The following KIRREL1 variants were observed in gnomAD, a reference collection of about 807,000 sequenced individuals.
The protein encoded by KIRREL1 is kirre like nephrin family adhesion molecule 1.
KIRREL1 carries 25 observed loss-of-function variants against 83.3 expected under a neutral mutation model. That is an observed-to-expected ratio of 0.30 (90% CI 0.22 to 0.42). The LOEUF (loss-of-function observed/expected upper bound fraction) is 0.42, where lower values mean the gene tolerates loss of function less well. Among genes scored for constraint, KIRREL1 ranks in the 10% least tolerant of loss-of-function variants. The probability of loss-of-function intolerance (pLI) is 1.00; values close to 1 mark genes in which losing one functional copy is unlikely to be tolerated. For missense variants in KIRREL1, 812 were observed against 1,032.3 expected, an observed-to-expected ratio of 0.79 and a Z score of 2.92; for synonymous variants, 388 against 410.4, an observed-to-expected ratio of 0.95 and a Z score of 0.66.
intron 10 of KIRREL1, among the ~76,000 whole-genome samples, chr1:158,090,395 C>T (rs1347839596): frequency 1.3e-5 from 2 of 152,172 alleles, no homozygotes; most frequent in Non-Finnish European, 2.9e-5. Context: ...CTCCCCCACA[C>T]CATGAGCCAT....
At chr1:158,057,818 C>T (rs1055931442) in intron 1 of KIRREL1, among the ~76,000 whole-genome samples, 1 of 152,092 alleles carries the variant, frequency 6.6e-6, no homozygotes, top group South Asian at 2.1e-4. Flanking sequence ...CTAGCAGTCC[C>T]GGTTCTGCCA....
chr1:158,081,085 C>T lies in KIRREL1; in HGVS notation c.352+2945C>T, dbSNP rs554781091. On this transcript the variant is annotated intron_variant, in intron 3 of 14. Coordinates refer to ENST00000359209, the MANE Select transcript of KIRREL1 (RefSeq NM_018240.7). ...CACAAAATGGCCTCTGTCATTCTTC[C>T]TTAGGGTAGGACTTTGAAAAGAAGC... Among the ~76,000 whole-genome samples, 20 of 142,192 alleles carry T rather than the reference C, an allele frequency of 1.4e-4. 3 individuals are homozygous for T. The highest frequency in any genetic ancestry group is 3.2e-4 in the Non-Finnish European group (20 of 63,310). 93.3% of individuals were successfully genotyped at this position (142,192 alleles called of 152,430 possible). A position where few individuals can be genotyped will look rare whatever the true frequency, so the allele number is the denominator to read the frequency against.
At chr1:158,025,182 A>G (rs1460882290) in intron 1 of KIRREL1, among the ~76,000 whole-genome samples, 1 of 152,184 alleles carries the variant, frequency 6.6e-6, no homozygotes, top group Non-Finnish European at 1.5e-5. Flanking sequence ...GTCCTCCTCA[A>G]GTTCCCCCCA....
At chr1:158,010,520 G>C (rs1023456075) in intron 1 of KIRREL1, among the ~76,000 whole-genome samples, 1 of 152,008 alleles carries the variant, frequency 6.6e-6, no homozygotes, top group African/African-American at 2.4e-5. Context: ...CGGTGTGGGT[G>C]CTTGTGTATG....
intron 1 of KIRREL1, among the ~76,000 whole-genome samples, chr1:158,016,674 C>G (rs1232266479): frequency 6.6e-6 from 1 of 152,286 alleles, no homozygotes; most frequent in Middle Eastern, 3.4e-3. Flanking sequence ...GACTGACAAC[C>G]GAAACCTTCT....
At chr1:158,069,302 TTGTGTGTGTG>T (rs57076623) in intron 1 of KIRREL1, among the ~76,000 whole-genome samples, 176 of 143,350 alleles carry the variant, frequency 1.2e-3, no homozygotes, top group South Asian at 7.5e-3. Context: ...TATGACGTAC[TTGTGTGTGTG>T]TGTGTGTGTG....
At position 158,100,140 on chromosome 1, in the gene KIRREL1, C is replaced by T. The variant is rs1248406815; in HGVS notation, c.*5020C>T. The T allele has an allele frequency of 6.6e-6, 1 of 151,344 alleles. No individual in the cohort carries two copies. Among genetic ancestry groups the T allele is most frequent in the East Asian group, 1.9e-4 (1 of 5,192 alleles). 9.4% of individuals were successfully genotyped at this position (151,344 alleles called of 1,614,324 possible). On this transcript the variant is annotated 3_prime_UTR_variant, in exon 15 of 15. Coordinates refer to ENST00000359209, the MANE Select transcript of KIRREL1 (RefSeq NM_018240.7). Reference sequence around the variant, plus strand: ...TATCTGTGTGTCCCTCACACCTTTTCCTATTCTACTTTTTTTTCCTTTTTT... The same window carrying T: ...TATCTGTGTGTCCCTCACACCTTTTTCTATTCTACTTTTTTTTCCTTTTTT...
intron 1 of KIRREL1, among the ~76,000 whole-genome samples, chr1:158,054,805 A>G (rs909633275): frequency 6.6e-6 from 1 of 152,112 alleles, no homozygotes; most frequent in Non-Finnish European, 1.5e-5. Context: ...TTCAACAAAT[A>G]TTTATTTTAT....
chr1:158,052,508 G>A (rs554875719), intron 1 of KIRREL1, among the ~76,000 whole-genome samples: 2 of 152,200 alleles, frequency 1.3e-5, no homozygotes, highest in South Asian at 2.1e-4. Flanking sequence ...TACAGGGCGC[G>A]GTGGCTCACG....
intron 1 of KIRREL1, among the ~76,000 whole-genome samples, chr1:158,007,382 G>A (rs569911260): frequency 1.3e-5 from 2 of 152,202 alleles, no homozygotes; most frequent in East Asian, 3.9e-4. Flanking sequence ...GAGAAGTGAA[G>A]ACGATTCTTA....
chr1:158,000,650 C>T (rs1181168307), intron 1 of KIRREL1, among the ~76,000 whole-genome samples: 2 of 152,216 alleles, frequency 1.3e-5, no homozygotes, highest in East Asian at 3.9e-4. Context: ...CACTTACTCT[C>T]CCTCTATCAG....
chr1:158,087,159 C>A (rs1248651841), intron 5 of KIRREL1, among the ~76,000 whole-genome samples: 1 of 152,146 alleles, frequency 6.6e-6, no homozygotes, highest in Admixed American at 6.5e-5. Context: ...CAGATGTATT[C>A]ATATGTGTGA....
At chr1:158,078,523 C>A (rs1488249525) in intron 3 of KIRREL1, among the ~76,000 whole-genome samples, 1 of 152,138 alleles carries the variant, frequency 6.6e-6, no homozygotes, top group Non-Finnish European at 1.5e-5. Flanking sequence ...GGGGCGTCTC[C>A]CTTCCACTTT....
intron 1 of KIRREL1, among the ~76,000 whole-genome samples, chr1:158,034,280 A>AG (rs1553238652): frequency 2.3e-5 from 3 of 131,484 alleles, no homozygotes; most frequent in East Asian, 2.5e-4. Context: ...AAAAAAAAAA[A>AG]AAAAAAGAAA....
At position 158,089,741 on chromosome 1, in the gene KIRREL1, G is replaced by T; in HGVS notation, c.1195G>T (p.Ala399Ser). The T allele has an allele frequency of 6.2e-7, 1 of 1,614,176 alleles. No homozygotes were observed. The highest frequency in any genetic ancestry group is 1.3e-5 in the African/African-American group (1 of 75,038). Residue 399 changes from alanine (A) to serine (S), a missense_variant, in exon 10 of 15, where the codon GCA (alanine) becomes TCA (serine). This residue lies in a region of KIRREL1 where 472 missense variants were observed against 626.8 expected (regional missense o/e 0.75). Transcript: ENST00000359209. ...VNGPPIISSE[A>S]VQYAVRGDGG... ...AGGGCCCCCCATCATCTCCAGTGAG[G>T]CAGTGCAGTATGCTGTGAGGGGTGA...
intron 1 of KIRREL1, among the ~76,000 whole-genome samples, chr1:158,018,245 C>T (rs1659891419): frequency 6.6e-6 from 1 of 152,252 alleles, no homozygotes; most frequent in African/African-American, 2.4e-5. Context: ...GCAAAGAAGC[C>T]CTAGGCCTGA....
At chr1:158,004,736 G>A (rs1361859368) in intron 1 of KIRREL1, among the ~76,000 whole-genome samples, 1 of 152,064 alleles carries the variant, frequency 6.6e-6, no homozygotes, top group African/African-American at 2.4e-5. Flanking sequence ...TTTACATCAG[G>A]TGTTTGAGAC....
intron 1 of KIRREL1, among the ~76,000 whole-genome samples, chr1:158,047,663 G>T (rs1212825449): frequency 6.6e-6 from 1 of 152,164 alleles, no homozygotes; most frequent in Non-Finnish European, 1.5e-5. Flanking sequence ...CTGTTTTCTA[G>T]TTGGGTTAAC....
chr1:158,088,463 C>G lies in KIRREL1; in HGVS notation c.1044+9C>G. Reference sequence around the variant, plus strand: ...AAAAGGACTCAAATATGGTAAGACTCTTACTGCCTGTTCTTTTTTTTTTTT... The same window carrying G: ...AAAAGGACTCAAATATGGTAAGACTGTTACTGCCTGTTCTTTTTTTTTTTT... On this transcript the variant is annotated intron_variant, in intron 8 of 14. Transcript: ENST00000359209. 1.6e-6 allele frequency: 2 copies of G among 1,265,060 alleles called. No individual in the cohort carries two copies. Among genetic ancestry groups the G allele is most frequent in the South Asian group, 1.3e-5 (1 of 75,130 alleles). The allele number at this position is 1,265,060 out of a possible 1,614,324, so 78.4% of individuals were successfully genotyped here. A position where few individuals can be genotyped will look rare whatever the true frequency, so the allele number is the denominator to read the frequency against.
Sources: allele counts gnomAD v4.1 joint callset (sites outside exome capture counted in the v4.1 genomes callset), GRCh38; gene constraint gnomAD v4.1.1; regional missense constraint gnomAD v4.1.1; transcripts MANE v1.5; gene names NCBI Gene and HGNC (gene_info 2026-07-23, HGNC 2026-07-21).